Variants in HDAC9 observed in about 807,000 individuals in gnomAD.
The protein encoded by HDAC9 is MEF-2 interacting transcription repressor (MITR) protein.
Under a neutral mutation model 139.4 loss-of-function variants are expected in HDAC9, and 41 were observed. That is an observed-to-expected ratio of 0.29 (90% CI 0.23 to 0.38). The LOEUF (loss-of-function observed/expected upper bound fraction) is 0.38, where lower values mean the gene tolerates loss of function less well. Ranked by LOEUF, HDAC9 falls within the 10% of genes least tolerant of loss-of-function variation. The pLI is 1.00. For synonymous variants in HDAC9, 517 were observed against 476.2 expected (o/e 1.09, Z -1.12); for missense variants, 1,147 against 1,297.0 (o/e 0.88, Z 1.78).
At chr7:18,525,436 G>A (rs955924337) in intron 2 of HDAC9, among the ~76,000 whole-genome samples, 23 of 151,948 alleles carry the variant, frequency 1.5e-4, no homozygotes, top group Admixed American at 7.9e-4. Context: ...TAAAATTACT[G>A]TGTGAGTATT....
intron 1 of HDAC9, among the ~76,000 whole-genome samples, chr7:18,422,744 G>GCA (rs1233787931): frequency 0.054 from 1,415 of 26,324 alleles, 32 homozygotes; most frequent in South Asian, 0.34. Context: ...ACACACACGC[G>GCA]CACACACACA....
intron 2 of HDAC9, among the ~76,000 whole-genome samples, chr7:18,226,765 G>A (rs1249071832): frequency 6.6e-6 from 1 of 152,214 alleles, no homozygotes; most frequent in Non-Finnish European, 1.5e-5. Context: ...AGCATGGCCG[G>A]TTACAGCCTA....
At chr7:18,644,908 C>A in intron 9 of HDAC9, 115 bp downstream of exon 9, 1 of 982,418 alleles carries the variant, frequency 1.0e-6, no homozygotes. Flanking sequence ...GAGCCAGCAT[C>A]TCCTTCACTG....
intron 17 of HDAC9, among the ~76,000 whole-genome samples, chr7:18,822,295 GAC>G (rs1050004745): frequency 6.6e-5 from 10 of 152,272 alleles, no homozygotes; most frequent in Non-Finnish European, 1.5e-4. Flanking sequence ...CATACAAAAA[GAC>G]ACCTTTCACT....
At chr7:18,809,062 A>G (rs1040613242) in intron 17 of HDAC9, among the ~76,000 whole-genome samples, 1 of 152,114 alleles carries the variant, frequency 6.6e-6, no homozygotes, top group African/African-American at 2.4e-5. Context: ...CTAATCTTCA[A>G]TAAGGGTATC....
At chr7:18,309,973 T>C (rs1268683945) in intron 1 of HDAC9, among the ~76,000 whole-genome samples, 1 of 152,210 alleles carries the variant, frequency 6.6e-6, no homozygotes. Flanking sequence ...CAAAGTGTGA[T>C]TCCTGGACCA....
chr7:18,885,280 A>G (rs771338566), intron 22 of HDAC9, among the ~76,000 whole-genome samples: 5 of 152,202 alleles, frequency 3.3e-5, no homozygotes, highest in Non-Finnish European at 5.9e-5. Context: ...AAAAGGGAAC[A>G]TTAATTTCAT....
chr7:18,835,193 C>G (rs993367217), intron 19 of HDAC9, among the ~76,000 whole-genome samples: 3 of 152,128 alleles, frequency 2.0e-5, no homozygotes, highest in African/African-American at 7.2e-5. Flanking sequence ...GACTGCTCAT[C>G]TGGAGTCTCC....
chr7:18,529,105 T>G (rs1274795498), intron 2 of HDAC9, among the ~76,000 whole-genome samples: 1 of 151,708 alleles, frequency 6.6e-6, no homozygotes, highest in Non-Finnish European at 1.5e-5. Flanking sequence ...CTCAAACAGC[T>G]AAACAAAATA....
At chr7:18,723,484 T>A (rs1479178045) in intron 12 of HDAC9, among the ~76,000 whole-genome samples, 2 of 152,214 alleles carry the variant, frequency 1.3e-5, no homozygotes, top group African/African-American at 4.8e-5. Flanking sequence ...CAATAGATAT[T>A]GGATGAACAG....
intron 2 of HDAC9, 150 bp from the exon 3 acceptor site, chr7:18,585,131 A>G (rs950073490): frequency 3.5e-6 from 3 of 851,096 alleles, no homozygotes; most frequent in Non-Finnish European, 5.6e-6. Flanking sequence ...ATGACTTTAT[A>G]TCATCATTGT....
At chr7:18,419,542 G>T (rs772121569) in intron 1 of HDAC9, among the ~76,000 whole-genome samples, 1 of 151,422 alleles carries the variant, frequency 6.6e-6, no homozygotes, top group Non-Finnish European at 1.5e-5. Context: ...CTCTCCAGAC[G>T]CTATTCACAA....
At chr7:18,790,884 A>G (rs975012349) in intron 16 of HDAC9, among the ~76,000 whole-genome samples, 1 of 152,222 alleles carries the variant, frequency 6.6e-6, no homozygotes, top group Admixed American at 6.5e-5. Flanking sequence ...TTTATGATCA[A>G]TAAACATAGC....
intron 23 of HDAC9, among the ~76,000 whole-genome samples, chr7:18,938,923 C>A (rs1449951779): frequency 6.6e-6 from 1 of 152,104 alleles, no homozygotes; most frequent in Non-Finnish European, 1.5e-5. Context: ...TTTAGAAAGA[C>A]CAGGCTTGAG....
chr7:18,143,172 T>G (rs1378882070), intron 1 of HDAC9, among the ~76,000 whole-genome samples: 1 of 152,226 alleles, frequency 6.6e-6, no homozygotes, highest in African/African-American at 2.4e-5. Flanking sequence ...CTACGCCTAT[T>G]GTCAAATTAA....
intron 22 of HDAC9, among the ~76,000 whole-genome samples, chr7:18,935,176 A>C (rs1781541266): frequency 6.6e-6 from 1 of 152,184 alleles, no homozygotes; most frequent in East Asian, 1.9e-4. Flanking sequence ...GGGTTGAAAA[A>C]GTGTTGCTAA....
chr7:18,143,800 A>C (rs1786090324), intron 1 of HDAC9, among the ~76,000 whole-genome samples: 1 of 151,926 alleles, frequency 6.6e-6, no homozygotes, highest in African/African-American at 2.4e-5. Flanking sequence ...CTCAAAAAAA[A>C]AAAAAAGAGT....
intron 21 of HDAC9, among the ~76,000 whole-genome samples, chr7:18,836,308 A>G (rs933215453): frequency 1.3e-5 from 2 of 152,170 alleles, no homozygotes; most frequent in Admixed American, 1.3e-4. Context: ...ACATTAGCAT[A>G]TTCATTGCCC....
At chr7:18,138,034 GA>G (rs1462727416) in intron 1 of HDAC9, among the ~76,000 whole-genome samples, 2 of 152,112 alleles carry the variant, frequency 1.3e-5, no homozygotes, top group African/African-American at 4.8e-5. Context: ...TTAGTCTTGG[GA>G]GAGTGTATGT....
Sources: gnomAD v4.1 joint callset for allele counts (sites outside exome capture counted in the v4.1 genomes callset) on GRCh38, gnomAD v4.1.1 for gene constraint, MANE v1.5 for transcripts, NCBI Gene and HGNC (gene_info 2026-07-23, HGNC 2026-07-21) for gene names.